DNAAF11: variants seen among roughly 807,000 people sequenced by gnomAD.
DNAAF11 encodes dynein axonemal assembly factor 11, also known as leucine rich repeat containing 6.
Under a neutral mutation model 60.8 loss-of-function variants are expected in DNAAF11, and 45 were observed. The ratio of observed to expected loss-of-function variants is 0.74; its 90% CI spans 0.58 to 0.95. DNAAF11 has a LOEUF of 0.95. Among genes scored for constraint, DNAAF11 ranks in the 40% least tolerant of loss-of-function variants. DNAAF11 has a pLI of 0.00. For synonymous variants in DNAAF11, 191 were observed against 183.5 expected (o/e 1.04, Z -0.33); for missense variants, 546 against 546.2 (o/e 1.00, Z 0.00).
intron 3 of DNAAF11, chr8:132,643,625 T>C (rs1309937620): frequency 2.2e-6 from 1 of 456,070 alleles, no homozygotes; most frequent in African/African-American, 2.0e-5. Flanking sequence ...ATTGAGAACC[T>C]TGCAGATGGT....
the DNAAF11 span, among the ~76,000 whole-genome samples, chr8:132,695,526 T>C: frequency 1.3e-5 from 2 of 152,182 alleles, no homozygotes; most frequent in Non-Finnish European, 2.9e-5. Flanking sequence ...TGTATCTTCA[T>C]AATTGTTTCT....
chr8:132,591,119 C>A (rs1816419286), intron 10 of DNAAF11, among the ~76,000 whole-genome samples: 1 of 152,106 alleles, frequency 6.6e-6, no homozygotes, highest in South Asian at 2.1e-4. Context: ...ATTATTAAGT[C>A]ATAATGTACA....
intron 10 of DNAAF11, among the ~76,000 whole-genome samples, chr8:132,591,705 T>C (rs1005326032): frequency 6.6e-6 from 1 of 152,094 alleles, no homozygotes; most frequent in Non-Finnish European, 1.5e-5. Context: ...GACAGGAAGT[T>C]CTCTGTTGAG....
intron 10 of DNAAF11, among the ~76,000 whole-genome samples, chr8:132,596,136 G>A (rs1222444164): frequency 6.6e-6 from 1 of 152,192 alleles, no homozygotes; most frequent in Non-Finnish European, 1.5e-5. Flanking sequence ...CAGCAAGATA[G>A]CAGGATAGGA....
chr8:132,662,684 G>C (rs1477265847), intron 1 of DNAAF11, among the ~76,000 whole-genome samples: 1 of 152,204 alleles, frequency 6.6e-6, no homozygotes, highest in African/African-American at 2.4e-5. Context: ...GGGTCTTGGT[G>C]ATAAGTGCTA....
At chr8:132,701,458 G>A in the DNAAF11 span, among the ~76,000 whole-genome samples, 2 of 152,146 alleles carry the variant, frequency 1.3e-5, no homozygotes, top group Middle Eastern at 3.2e-3. Flanking sequence ...AGGATGCCTG[G>A]GAAGCTTTTC....
intron 1 of DNAAF11, among the ~76,000 whole-genome samples, chr8:132,672,591 T>G (rs2130894480): frequency 6.6e-6 from 1 of 152,308 alleles, no homozygotes; most frequent in Non-Finnish European, 1.5e-5. Context: ...TCCAGATTCC[T>G]CATCTGCAAA....
At chr8:132,687,134 C>T in the DNAAF11 span, among the ~76,000 whole-genome samples, 1 of 152,154 alleles carries the variant, frequency 6.6e-6, no homozygotes, top group Non-Finnish European at 1.5e-5. Flanking sequence ...CAGTTGTAGT[C>T]TAACTGTTGC....
chr8:132,573,503 G>C (rs1251389200), intron 11 of DNAAF11, among the ~76,000 whole-genome samples: 1 of 152,102 alleles, frequency 6.6e-6, no homozygotes, highest in African/African-American at 2.4e-5. Flanking sequence ...TGAAGCAAAG[G>C]TTTTGTCTTT....
chr8:132,661,531 A>C lies in DNAAF11; in HGVS notation c.107T>G (p.Leu36Arg). ...CCGGCACCATTTATCAATGTGTTCT[A>C]GTCTTTCTATTTCTTGCTGATGCAA... ...LSLHQQEIER[L>R]EHIDKWCRDL... is the part of the protein sequence containing the mutation. Residue 36 changes from leucine to arginine, a missense_variant, in exon 2 of 12, where the codon CTA becomes CGA. Transcript: ENST00000620350. The C allele has an allele frequency of 1.2e-6, 2 of 1,613,718 alleles. No homozygotes were observed. The highest frequency in any genetic ancestry group is 1.7e-6 in the Non-Finnish European group (2 of 1,179,634).
intron 7 of DNAAF11, among the ~76,000 whole-genome samples, chr8:132,619,880 T>G (rs188831152): frequency 6.6e-6 from 1 of 152,186 alleles, no homozygotes; most frequent in Non-Finnish European, 1.5e-5. Flanking sequence ...TGATTTTGGA[T>G]GGGAAGTTCA....
intron 1 of DNAAF11, among the ~76,000 whole-genome samples, chr8:132,663,859 C>G (rs773856467): frequency 2.6e-5 from 4 of 152,134 alleles, no homozygotes; most frequent in Non-Finnish European, 5.9e-5. Context: ...AAGGGATGTC[C>G]AAGGGTCAGC....
At chr8:132,626,567 T>A (rs1820305141) in intron 5 of DNAAF11, among the ~76,000 whole-genome samples, 1 of 152,210 alleles carries the variant, frequency 6.6e-6, no homozygotes, top group Non-Finnish European at 1.5e-5. Context: ...TTATTAAGCA[T>A]CTTCTGTTGT....
chr8:132,620,746 G>C (rs1308190689), intron 7 of DNAAF11, among the ~76,000 whole-genome samples: 2 of 152,198 alleles, frequency 1.3e-5, no homozygotes, highest in Non-Finnish European at 1.5e-5. Flanking sequence ...GTCTTCATGG[G>C]GGCACGTGGT....
chr8:132,581,661 C>CAAAAAAAAAA (rs59380140), intron 11 of DNAAF11, among the ~76,000 whole-genome samples: 1 of 82,996 alleles, frequency 1.2e-5, no homozygotes, highest in African/African-American at 4.7e-5. Context: ...GACTCTGCCT[C>CAAAAAAAAAA]AAAAAAAAAA....
intron 10 of DNAAF11, 107 bp from the exon 11 acceptor site, chr8:132,583,886 C>A: frequency 1.3e-6 from 1 of 763,858 alleles, no homozygotes; most frequent in South Asian, 1.6e-5. Flanking sequence ...TTAATTTTTT[C>A]TCTACATATT....
intron 1 of DNAAF11, among the ~76,000 whole-genome samples, chr8:132,671,672 G>A (rs1438985656): frequency 6.6e-6 from 1 of 152,076 alleles, no homozygotes; most frequent in African/African-American, 2.4e-5. Flanking sequence ...TTGGCACAGA[G>A]GAAGACAAAT....
At chr8:132,637,148 G>T (rs1296807513) in intron 4 of DNAAF11, among the ~76,000 whole-genome samples, 1 of 152,208 alleles carries the variant, frequency 6.6e-6, no homozygotes, top group African/African-American at 2.4e-5. Flanking sequence ...AACATACGCA[G>T]TAGTGGTTGT....
At chr8:132,582,432 G>A (rs1001239246) in intron 11 of DNAAF11, among the ~76,000 whole-genome samples, 1 of 152,208 alleles carries the variant, frequency 6.6e-6, no homozygotes, top group Non-Finnish European at 1.5e-5. Flanking sequence ...TGTTTGCAAT[G>A]ATTTGGCTTT....
Sources: gnomAD v4.1 joint callset for allele counts (sites outside exome capture counted in the v4.1 genomes callset) on GRCh38, gnomAD v4.1.1 for gene constraint, MANE v1.5 for transcripts, NCBI Gene and HGNC (gene_info 2026-07-23, HGNC 2026-07-21) for gene names.